STX12: variants seen among roughly 807,000 people sequenced by gnomAD.
STX12 encodes syntaxin 12, also known as syntaxin-12.
In STX12, 17 loss-of-function variants were observed where a neutral mutation model predicts 42.2. The ratio of observed to expected loss-of-function variants is 0.40; its 90% CI spans 0.28 to 0.60. The LOEUF is 0.60. Ranked by LOEUF, STX12 falls within the 20% of genes least tolerant of loss-of-function variation. The pLI, the probability that STX12 is intolerant of heterozygous loss-of-function variation, is 0.39. For synonymous variants in STX12, 108 were observed against 116.7 expected (o/e 0.93, Z 0.48); for missense variants, 297 against 330.9 (o/e 0.90, Z 0.79).
intron 3 of STX12, among the ~76,000 whole-genome samples, chr1:27,797,348 T>C (rs931324483): frequency 6.6e-5 from 10 of 152,210 alleles, no homozygotes; most frequent in Non-Finnish European, 1.3e-4. Context: ...TGAGCTACCA[T>C]GCCTGGCCTA....
chr1:27,812,480 T>C (rs955727749), intron 6 of STX12, among the ~76,000 whole-genome samples: 3 of 152,008 alleles, frequency 2.0e-5, no homozygotes, highest in Non-Finnish European at 4.4e-5. Context: ...TCGCTCTTGT[T>C]GCCCAGGCTG....
At chr1:27,805,688 A>G (rs564165002) in intron 4 of STX12, among the ~76,000 whole-genome samples, 9 of 152,292 alleles carry the variant, frequency 5.9e-5, no homozygotes, top group Admixed American at 5.9e-4. Flanking sequence ...CTTGTGAGGC[A>G]GGTGTAGTGG....
chr1:27,777,886 CA>C (rs559569659), intron 1 of STX12, among the ~76,000 whole-genome samples: 7 of 142,350 alleles, frequency 4.9e-5, no homozygotes, highest in Admixed American at 7.1e-5. Context: ...GACTCAGTCT[CA>C]AAAAAAAAAG....
chr1:27,789,505 T>C, intron 1 of STX12, 57 bp from the exon 2 acceptor site: 1 of 1,284,922 alleles, frequency 7.8e-7, no homozygotes, highest in Non-Finnish European at 1.1e-6. Context: ...AGAAGTAGGG[T>C]ACTCATGATG....
intron 3 of STX12, among the ~76,000 whole-genome samples, chr1:27,800,988 A>G (rs1234027007): frequency 1.3e-5 from 2 of 152,218 alleles, no homozygotes; most frequent in Non-Finnish European, 2.9e-5. Context: ...GGGTTTTAAC[A>G]TTTTAGCTAA....
At chr1:27,773,487 G>A in intron 1 of STX12, 62 bp downstream of exon 1, 1 of 1,511,106 alleles carries the variant, frequency 6.6e-7, no homozygotes, top group Non-Finnish European at 9.2e-7. Flanking sequence ...GGGTGAGGCT[G>A]CCGGGACGCA....
At chr1:27,774,475 T>C (rs1357274169) in intron 1 of STX12, among the ~76,000 whole-genome samples, 2 of 152,214 alleles carry the variant, frequency 1.3e-5, no homozygotes, top group African/African-American at 2.4e-5. Context: ...ATTACAATTA[T>C]ATTCTATATT....
At chr1:27,817,544 A>G (rs1332987174) in intron 6 of STX12, among the ~76,000 whole-genome samples, 3 of 152,196 alleles carry the variant, frequency 2.0e-5, no homozygotes, top group African/African-American at 4.8e-5. Flanking sequence ...GTCTCCACAT[A>G]GGGCTATCAC....
chr1:27,778,428 C>T (rs539320411), intron 1 of STX12, among the ~76,000 whole-genome samples: 3 of 152,236 alleles, frequency 2.0e-5, no homozygotes, highest in South Asian at 2.1e-4. Flanking sequence ...AGGTGTCTCA[C>T]GCCTGTAATC....
intron 1 of STX12, among the ~76,000 whole-genome samples, chr1:27,786,298 TCTC>T (rs10597876): frequency 0.1 from 15,275 of 152,074 alleles, 2,553 homozygotes; most frequent in African/African-American, 0.35. Flanking sequence ...ATTACTCTCT[TCTC>T]CTAGAATGCT....
intron 4 of STX12, among the ~76,000 whole-genome samples, chr1:27,803,732 G>A (rs966170464): frequency 3.3e-5 from 5 of 152,178 alleles, no homozygotes; most frequent in Non-Finnish European, 7.3e-5. Flanking sequence ...GGCCAGGCGT[G>A]GTGGCTCACA....
chr1:27,777,215 T>C (rs1210630896), intron 1 of STX12, among the ~76,000 whole-genome samples: 2 of 152,084 alleles, frequency 1.3e-5, no homozygotes, highest in African/African-American at 4.8e-5. Flanking sequence ...GTGGGTGCAT[T>C]ATTTTAGTTG....
In STX12 at chr1:27,822,248, G is replaced by C; in HGVS notation, c.750G>C (p.Lys250Asn). ...TTCCTCAGAAAAAATCTCGCAAGAAGATGTGTATCCTGGTGCTTGTCCTGT... is the reference window on the plus strand; with the variant it reads ...TTCCTCAGAAAAAATCTCGCAAGAACATGTGTATCCTGGTGCTTGTCCTGT... ...AAYYQKKSRKKMCILVLVLSV... is the reference protein window; with the variant it reads ...AAYYQKKSRKNMCILVLVLSV... The change falls in exon 9 of 9, where the codon AAG (lysine) becomes AAC (asparagine). Residue 250 changes from lysine to asparagine, a missense_variant. Physicochemically the swap from Lys to Asn is moderately conservative, Grantham distance 94 (BLOSUM62 0). Transcript: ENST00000373943. The C allele has an allele frequency of 6.2e-7, 1 of 1,612,108 alleles. No homozygotes were observed. The highest frequency in any genetic ancestry group is 8.5e-7 in the Non-Finnish European group (1 of 1,178,236).
At chr1:27,800,151 A>G (rs1557803304) in intron 3 of STX12, among the ~76,000 whole-genome samples, 1 of 152,320 alleles carries the variant, frequency 6.6e-6, no homozygotes, top group South Asian at 2.1e-4. Flanking sequence ...AGTTCCAACC[A>G]AACAGTCTGT....
chr1:27,817,963 T>C (rs1331130118), intron 7 of STX12, 40 bp downstream of exon 7: 3 of 1,566,750 alleles, frequency 1.9e-6, no homozygotes, highest in Middle Eastern at 1.7e-4. Context: ...GGTGAGTTGA[T>C]AGTATTTGGC....
intron 3 of STX12, among the ~76,000 whole-genome samples, chr1:27,798,562 T>C (rs1189009230): frequency 6.6e-6 from 1 of 150,756 alleles, no homozygotes; most frequent in Non-Finnish European, 1.5e-5. Flanking sequence ...GGAGAATTGC[T>C]TGAACCCAGG....
chr1:27,797,107 A>G (rs1007396943), intron 3 of STX12, among the ~76,000 whole-genome samples: 8 of 151,366 alleles, frequency 5.3e-5, no homozygotes. Flanking sequence ...GATCAGTGGC[A>G]TGATCTGCAC....
chr1:27,806,559 A>G (rs997425778), intron 4 of STX12, among the ~76,000 whole-genome samples: 3 of 152,200 alleles, frequency 2.0e-5, no homozygotes, highest in African/African-American at 7.2e-5. Flanking sequence ...AGGTTTAATT[A>G]ATAATTTGTA....
chr1:27,817,785 A>G (rs947731047), intron 6 of STX12, 66 bp from the exon 7 acceptor site: 1 of 1,425,564 alleles, frequency 7.0e-7, no homozygotes, highest in Non-Finnish European at 9.8e-7. Context: ...AACTTTAGGT[A>G]CGTGAGGGAA....
Sources: allele counts gnomAD v4.1 joint callset (sites outside exome capture counted in the v4.1 genomes callset), GRCh38; gene constraint gnomAD v4.1.1; transcripts MANE v1.5; gene names NCBI Gene and HGNC (gene_info 2026-07-23, HGNC 2026-07-21).